The following UBR3 variants were observed in gnomAD, a reference collection of about 807,000 sequenced individuals.
UBR3 encodes ubiquitin protein ligase E3 component n-recognin 3.
A neutral mutation model predicts 243.2 loss-of-function variants in UBR3; 85 were observed. The observed-to-expected ratio is 0.35, with a 90% CI of 0.29 to 0.42. UBR3 has a LOEUF of 0.42. UBR3 is among the 10% of genes least tolerant of loss of function. UBR3 has a pLI of 1.00. For missense variants in UBR3, 1,686 were observed against 2,300.8 expected, an observed-to-expected ratio of 0.73 and a Z score of 5.47; for synonymous variants, 748 against 799.8, an observed-to-expected ratio of 0.94 and a Z score of 1.09.
At chr2:169,957,742 G>GA (rs896226709) in intron 23 of UBR3, among the ~76,000 whole-genome samples, 7 of 151,420 alleles carry the variant, frequency 4.6e-5, no homozygotes, top group Non-Finnish European at 1.0e-4. Context: ...GCTACAAAAA[G>GA]AAAAAAAATA....
At chr2:169,898,293 C>T (rs73011785) in intron 8 of UBR3, among the ~76,000 whole-genome samples, 6,635 of 152,260 alleles carry the variant, frequency 0.044, 166 homozygotes, top group Middle Eastern at 0.068. Flanking sequence ...AGGTGTGACA[C>T]CATGTCCTGA....
At chr2:169,880,084 T>C (rs2083764460) in intron 5 of UBR3, among the ~76,000 whole-genome samples, 1 of 152,150 alleles carries the variant, frequency 6.6e-6, no homozygotes. Context: ...AATGGCCTAT[T>C]AAAAGGCGAG....
chr2:170,033,875 C>G (rs1037841830), intron 31 of UBR3, among the ~76,000 whole-genome samples: 2 of 151,508 alleles, frequency 1.3e-5, no homozygotes, highest in Admixed American at 6.6e-5. Context: ...AAACTATATT[C>G]CTATTAACTC....
At chr2:169,924,302 G>T in intron 13 of UBR3, 129 bp downstream of exon 13, 4 of 686,960 alleles carry the variant, frequency 5.8e-6, no homozygotes, top group Non-Finnish European at 7.0e-6. Flanking sequence ...AGTTGTTATT[G>T]TATTTTTGCT....
intron 1 of UBR3, among the ~76,000 whole-genome samples, chr2:169,844,396 T>C (rs145019746): frequency 1.0e-3 from 153 of 152,308 alleles, no homozygotes; most frequent in Non-Finnish European, 1.7e-3. Flanking sequence ...AGTTTGTCCA[T>C]TTCATCTAAG....
At chr2:169,996,688 C>CTTTTTTTTTTTTTTTTTTTTTTTTTTTA in intron 26 of UBR3, among the ~76,000 whole-genome samples, 1 of 88,330 alleles carries the variant, frequency 1.1e-5, no homozygotes, top group Non-Finnish European at 2.2e-5. Context: ...TTGCTTTGGA[C>CTTTTTTTTTTTTTTTTTTTTTTTTTTTA]TTTTGTTTTT....
chr2:169,831,128 T>TATG (rs1491457428), intron 1 of UBR3, among the ~76,000 whole-genome samples: 1 of 36,438 alleles, frequency 2.7e-5, no homozygotes, highest in African/African-American at 1.6e-4. Context: ...TATATATATA[T>TATG]TTTTTTTTTT....
At chr2:169,887,822 G>A (rs922609129) in intron 5 of UBR3, among the ~76,000 whole-genome samples, 1 of 150,548 alleles carries the variant, frequency 6.6e-6, no homozygotes, top group African/African-American at 2.4e-5. Context: ...TGTTGCCCAG[G>A]CTGGAGTGCA....
At chr2:169,999,960 C>T (rs951391299) in intron 26 of UBR3, among the ~76,000 whole-genome samples, 10 of 151,936 alleles carry the variant, frequency 6.6e-5, no homozygotes, top group Admixed American at 3.9e-4. Context: ...AACCCTGTCT[C>T]TACTAAAAAT....
At chr2:169,935,644 T>C (rs905119542) in intron 19 of UBR3, among the ~76,000 whole-genome samples, 3 of 152,258 alleles carry the variant, frequency 2.0e-5, no homozygotes, top group Admixed American at 2.0e-4. Flanking sequence ...TAATGGCTGC[T>C]GCCCCATGTT....
intron 27 of UBR3, among the ~76,000 whole-genome samples, chr2:170,005,527 G>A (rs541625073): frequency 2.6e-5 from 4 of 152,308 alleles, no homozygotes; most frequent in African/African-American, 9.6e-5. Flanking sequence ...ATGGTGTGCA[G>A]ATAGGATAAG....
chr2:170,002,394 T>C (rs920393753), intron 27 of UBR3, among the ~76,000 whole-genome samples: 2 of 152,196 alleles, frequency 1.3e-5, no homozygotes, highest in African/African-American at 4.8e-5. Context: ...CCTCTCCCAT[T>C]TTCCTCAGCA....
intron 30 of UBR3, among the ~76,000 whole-genome samples, chr2:170,028,717 A>C (rs1029475063): frequency 1.4e-4 from 21 of 151,394 alleles, no homozygotes; most frequent in African/African-American, 5.1e-4. Context: ...ATAATTTTAA[A>C]CATGATATTT....
intron 24 of UBR3, among the ~76,000 whole-genome samples, chr2:169,981,414 A>T (rs188682122): frequency 1.3e-5 from 2 of 152,120 alleles, no homozygotes; most frequent in Non-Finnish European, 2.9e-5. Context: ...TCTAAAATCG[A>T]TAACCTTAGA....
In UBR3 at chr2:169,927,361, C is replaced by G. The variant is rs1353178661; in HGVS notation, c.2380C>G (p.Gln794Glu). 11 of 1,550,936 alleles carry G rather than the reference C, an allele frequency of 7.1e-6. No individual in the cohort carries two copies. In the South Asian group the frequency reaches 1.2e-4, roughly 17 times the overall value. The change falls in exon 17 of 39, where the codon CAG (glutamine) becomes GAG (glutamate). Residue 794 changes from glutamine (Q) to glutamate (E), a missense_variant. Coordinates refer to ENST00000272793, the MANE Select transcript of UBR3 (RefSeq NM_172070.4). ...DEILRAEMVA[Q>E]LCMNDRTHSS... ...GATTCTCAGGGCCGAGATGGTAGCC[C>G]AGCTGTGTATGAATGACAGGACACA... is the stretch of plus-strand genomic sequence containing the variant.
chr2:170,001,473 T>C (rs1467572188), intron 27 of UBR3, 59 bp downstream of exon 27: 1 of 1,050,494 alleles, frequency 9.5e-7, no homozygotes, highest in Admixed American at 1.8e-5. Flanking sequence ...ATTAAATCTT[T>C]TTATAGTATA....
chr2:169,954,819 C>T (rs1205426749), intron 23 of UBR3, among the ~76,000 whole-genome samples: 2 of 152,132 alleles, frequency 1.3e-5, no homozygotes, highest in Non-Finnish European at 2.9e-5. Flanking sequence ...GTGATCCACC[C>T]GTCTCGGCAT....
At chr2:169,868,938 C>T (rs1193703760) in intron 1 of UBR3, among the ~76,000 whole-genome samples, 1 of 152,088 alleles carries the variant, frequency 6.6e-6, no homozygotes, top group Non-Finnish European at 1.5e-5. Context: ...CCCTTTATTC[C>T]CCTCTGTCAC....
At chr2:169,867,161 G>A (rs1055194722) in intron 1 of UBR3, among the ~76,000 whole-genome samples, 8 of 152,072 alleles carry the variant, frequency 5.3e-5, no homozygotes, top group East Asian at 1.9e-4. Flanking sequence ...TAGAATTAAC[G>A]TCCTAAGTAG....
Sources: gnomAD v4.1 joint callset for allele counts (sites outside exome capture counted in the v4.1 genomes callset) on GRCh38, gnomAD v4.1.1 for gene constraint, MANE v1.5 for transcripts, NCBI Gene and HGNC (gene_info 2026-07-23, HGNC 2026-07-21) for gene names.